PLEK: variants seen among roughly 807,000 people sequenced by gnomAD.
PLEK encodes platelet 47 kDa protein.
A neutral mutation model predicts 43.9 loss-of-function variants in PLEK; 25 were observed. That is an observed-to-expected ratio of 0.57 (90% CI 0.41 to 0.79). PLEK has a LOEUF of 0.79. PLEK is among the 30% of genes least tolerant of loss of function. PLEK has a pLI of 0.00. For synonymous variants in PLEK, 152 were observed against 144.4 expected (o/e 1.05, Z -0.38); for missense variants, 396 against 413.3 (o/e 0.96, Z 0.36).
intron 1 of PLEK, among the ~76,000 whole-genome samples, chr2:68,379,909 C>A (rs1673577355): frequency 6.6e-6 from 1 of 152,062 alleles, no homozygotes; most frequent in Non-Finnish European, 1.5e-5. Flanking sequence ...AATTAAAGAA[C>A]TACATGAGGA....
chr2:68,395,169 A>G (rs889031780), intron 8 of PLEK, among the ~76,000 whole-genome samples: 3 of 151,522 alleles, frequency 2.0e-5, no homozygotes, highest in African/African-American at 7.3e-5. Flanking sequence ...GGCTTTGTGT[A>G]TGTATATAAA....
In PLEK at chr2:68,379,724, G is replaced by A. The variant is rs574653455; in HGVS notation, c.43-604G>A. On this transcript the variant is annotated intron_variant, in intron 1 of 8. Coordinates refer to ENST00000234313, the MANE Select transcript of PLEK (RefSeq NM_002664.3). ...GTGGGGATGAAGTAGATAATAAGAA[G>A]GATTGGTTGCTCTTTTCAATGAAGT... Among the ~76,000 whole-genome samples the A allele has an allele frequency of 7.2e-5, 11 of 152,210 alleles. No homozygotes were observed. In the South Asian group the frequency reaches 2.3e-3, roughly 32 times the overall value.
intron 1 of PLEK, among the ~76,000 whole-genome samples, chr2:68,377,976 C>T (rs6719472): frequency 0.53 from 80,395 of 151,952 alleles, 22,855 homozygotes; most frequent in East Asian, 0.76. Flanking sequence ...GTTCTTGCCC[C>T]CCTGGAACAT....
rs771045848 is a variant in PLEK at position 68,394,190 on chromosome 2, C to G, written c.916+14C>G. On this transcript the variant is annotated intron_variant, in intron 8 of 8. Coordinates refer to ENST00000234313, the MANE Select transcript of PLEK (RefSeq NM_002664.3). The stretch of plus-strand genomic sequence containing the variant: ...GCAACTCAAATGGTAAGATGAATTT[C>G]TGTGTGAGAGAGGTGGGTCTGCTCA... The G allele has an allele frequency of 6.5e-7, 1 of 1,549,938 alleles. No homozygotes were observed. Among genetic ancestry groups the G allele is most frequent in the Non-Finnish European group, 8.9e-7 (1 of 1,121,562 alleles).
intron 8 of PLEK, among the ~76,000 whole-genome samples, chr2:68,394,607 T>A (rs1673929875): frequency 6.6e-6 from 1 of 152,198 alleles, no homozygotes; most frequent in Non-Finnish European, 1.5e-5. Flanking sequence ...GTCTCCCAAC[T>A]GCTGTCCAGG....
At chr2:68,375,646 T>C (rs1673487517) in intron 1 of PLEK, among the ~76,000 whole-genome samples, 1 of 152,266 alleles carries the variant, frequency 6.6e-6, no homozygotes, top group South Asian at 2.1e-4. Flanking sequence ...GTCCCACAAG[T>C]ATTTATCTTT....
In PLEK at chr2:68,365,327, C is replaced by A; in HGVS notation, c.-25C>A. ...CTGAGAGGAGTTGCCTGAGAGTGAC[C>A]TTTGCATCTGCCTGTCCAGCCAGCA... On this transcript the variant is annotated 5_prime_UTR_variant, in exon 1 of 9. Transcript: ENST00000234313. 1 of 1,612,010 alleles carries A rather than the reference C, an allele frequency of 6.2e-7. No individual in the cohort carries two copies. The highest frequency in any genetic ancestry group is 8.5e-7 in the Non-Finnish European group (1 of 1,178,188).
At position 68,365,465 on chromosome 2, in the gene PLEK, C is replaced by G; in HGVS notation, c.42+72C>G. ...GGAGACTTGGGTTCAGCTCCACCGG[C>G]TACCTGCTCATCTTAGGAATGTTTC... On this transcript the variant is annotated intron_variant, in intron 1 of 8. Coordinates refer to ENST00000234313, the MANE Select transcript of PLEK (RefSeq NM_002664.3). 4 of 1,136,530 alleles carry G rather than the reference C, an allele frequency of 3.5e-6. No homozygotes were observed. The Admixed American group carries it at 5.1e-5, about 14-fold the overall frequency. The allele number at this position is 1,136,530 out of a possible 1,614,324, so 70.4% of individuals were successfully genotyped here.
intron 1 of PLEK, among the ~76,000 whole-genome samples, chr2:68,370,776 C>T (rs562295186): frequency 2.0e-5 from 3 of 152,184 alleles, no homozygotes; most frequent in South Asian, 4.2e-4. Flanking sequence ...GTGAGTACTG[C>T]GCTCAGAGTT....
At chr2:68,373,207 A>G (rs1178897013) in intron 1 of PLEK, among the ~76,000 whole-genome samples, 1 of 152,114 alleles carries the variant, frequency 6.6e-6, no homozygotes, top group East Asian at 1.9e-4. Context: ...AAGAGGAGAG[A>G]AAAACCTCCT....
At chr2:68,366,731 A>G (rs1673281606) in intron 1 of PLEK, among the ~76,000 whole-genome samples, 1 of 152,226 alleles carries the variant, frequency 6.6e-6, no homozygotes, top group African/African-American at 2.4e-5. Context: ...GTAAAAGATT[A>G]CTTGCAATAG....
intron 1 of PLEK, among the ~76,000 whole-genome samples, chr2:68,369,091 T>C (rs2103756091): frequency 6.6e-6 from 1 of 152,326 alleles, no homozygotes; most frequent in Admixed American, 6.5e-5. Context: ...TGCCTACTGA[T>C]TCATCATCAC....
At chr2:68,369,706 T>C (rs1256462830) in intron 1 of PLEK, among the ~76,000 whole-genome samples, 1 of 152,194 alleles carries the variant, frequency 6.6e-6, no homozygotes, top group Non-Finnish European at 1.5e-5. Context: ...GGTGCTTTGT[T>C]ACCTTCATTT....
chr2:68,384,168 TCTCCTTCTCCTTCTCCTTCTCCTTCTC>T (rs1673691232), intron 4 of PLEK, among the ~76,000 whole-genome samples: 2 of 45,450 alleles, frequency 4.4e-5, no homozygotes, highest in South Asian at 8.4e-4. Context: ...TCCTTCTCCT[TCTCCTTCTCCTTCTCCTTCTCCTTCTC>T]CTTCTCCTCC....
intron 5 of PLEK, among the ~76,000 whole-genome samples, chr2:68,387,600 C>G (rs1443733406): frequency 6.6e-6 from 1 of 152,154 alleles, no homozygotes; most frequent in Non-Finnish European, 1.5e-5. Flanking sequence ...CAATGTGAAC[C>G]TGTTCTTAGG....
At position 68,395,735 on chromosome 2, in the gene PLEK, C is replaced by G; in HGVS notation, c.972C>G (p.His324Gln). 6.2e-7 allele frequency: 1 copy of G among 1,613,866 alleles called. No individual in the cohort carries two copies. The highest frequency in any genetic ancestry group is 8.5e-7 in the Non-Finnish European group (1 of 1,179,812). ...AGATCATCACAGCAGATGAAGTGCA[C>G]TATTTCTTGCAAGCAGCCACCCCCA... ...LFEIITADEV[H>Q]YFLQAATPKE... is the part of the protein sequence containing the mutation. Residue 324 changes from histidine (H) to glutamine (Q), a missense_variant, in exon 9 of 9, where the codon CAC becomes CAG. His to Gln is a conservative substitution (Grantham distance 24). Transcript: ENST00000234313.
chr2:68,394,338 G>A (rs946902154), intron 8 of PLEK, among the ~76,000 whole-genome samples, 162 bp downstream of exon 8: 4 of 152,198 alleles, frequency 2.6e-5, no homozygotes, highest in African/African-American at 7.2e-5. Flanking sequence ...TTGGGAGGCC[G>A]AGGAGGGCAG....
chr2:68,391,346 G>A (rs1673855211), intron 6 of PLEK, among the ~76,000 whole-genome samples: 1 of 152,194 alleles, frequency 6.6e-6, no homozygotes, highest in Non-Finnish European at 1.5e-5. Flanking sequence ...GCATAATACA[G>A]CATGACATGT....
At position 68,395,945 on chromosome 2, in the gene PLEK, G is replaced by A; in HGVS notation, c.*129G>A. On this transcript the variant is annotated 3_prime_UTR_variant, in exon 9 of 9. Transcript: ENST00000234313. ...GTGGGAAGTTTTCATTTGCAGGGGGGTCTGAATGTAACTCACCATGTGGTG... is the reference window on the plus strand; with the variant it reads ...GTGGGAAGTTTTCATTTGCAGGGGGATCTGAATGTAACTCACCATGTGGTG... 7 of 773,574 alleles carry A rather than the reference G, an allele frequency of 9.0e-6. No homozygotes were observed. The highest frequency in any genetic ancestry group is 1.5e-5 in the Non-Finnish European group (7 of 460,154). 47.9% of individuals were successfully genotyped at this position (773,574 alleles called of 1,614,324 possible).
Sources: allele counts gnomAD v4.1 joint callset (sites outside exome capture counted in the v4.1 genomes callset), GRCh38; gene constraint gnomAD v4.1.1; transcripts MANE v1.5; gene names NCBI Gene and HGNC (gene_info 2026-07-23, HGNC 2026-07-21).